Variants in CLTC observed in about 807,000 individuals in gnomAD.
CLTC encodes the protein clathrin heavy chain 1.
Under a neutral mutation model 195.8 loss-of-function variants are expected in CLTC, and 16 were observed. That is an observed-to-expected ratio of 0.08 (90% CI 0.06 to 0.12). The LOEUF is 0.12. Ranked by LOEUF, CLTC falls within the 10% of genes least tolerant of loss-of-function variation. CLTC has a pLI of 1.00. For missense variants in CLTC, 796 were observed against 2,027.0 expected, an observed-to-expected ratio of 0.39 and a Z score of 11.66; for synonymous variants, 667 against 689.4, an observed-to-expected ratio of 0.97 and a Z score of 0.51.
chr17:59,630,059 G>A (rs1321078068), intron 1 of CLTC, among the ~76,000 whole-genome samples: 2 of 152,026 alleles, frequency 1.3e-5, no homozygotes, highest in Non-Finnish European at 2.9e-5. Flanking sequence ...GGAGTACAGT[G>A]GCGAGATCAT....
Position 59,696,144 on chromosome 17 carries a change from C to T in CLTC, c.*2292C>T. 4.6e-6 allele frequency: 1 copy of T among 218,258 alleles called. No homozygotes were observed. Among genetic ancestry groups the T allele is most frequent in the Non-Finnish European group, 9.2e-6 (1 of 108,554 alleles). The allele number at this position is 218,258 out of a possible 1,614,324, so 13.5% of individuals were successfully genotyped here. A position where few individuals can be genotyped will look rare whatever the true frequency, so the allele number is the denominator to read the frequency against. On this transcript the variant is annotated 3_prime_UTR_variant, in exon 32 of 32. Coordinates refer to ENST00000269122, the MANE Select transcript of CLTC (RefSeq NM_004859.4). Reference sequence around the variant, plus strand: ...CTGAGCCAGAATCATGCACTTAGCACTGAGTTCAACTCAGTCTTAACGTTG... The same window carrying T: ...CTGAGCCAGAATCATGCACTTAGCATTGAGTTCAACTCAGTCTTAACGTTG...
In CLTC at chr17:59,619,988, C is replaced by A; in HGVS notation, c.-144C>A. 1.5e-6 allele frequency: 1 copy of A among 681,260 alleles called. No homozygotes were observed. The allele number at this position is 681,260 out of a possible 1,614,324, so 42.2% of individuals were successfully genotyped here. On this transcript the variant is annotated 5_prime_UTR_variant, in exon 1 of 32. Coordinates refer to ENST00000269122, the MANE Select transcript of CLTC (RefSeq NM_004859.4). ...CCCCCGACCCGAGCTCTTTCGTCTG[C>A]CTGCCAGTTTCCTGCGTCCCCGGAG...
intron 13 of CLTC, among the ~76,000 whole-genome samples, chr17:59,667,946 A>G (rs2032767805): frequency 6.6e-6 from 1 of 152,202 alleles, no homozygotes; most frequent in African/African-American, 2.4e-5. Context: ...TAATTTTCCC[A>G]GTTTCAAAAT....
intron 14 of CLTC, among the ~76,000 whole-genome samples, chr17:59,671,370 C>T (rs925807059): frequency 2.0e-5 from 3 of 152,118 alleles, no homozygotes; most frequent in African/African-American, 2.4e-5. Flanking sequence ...TGTTATTAAA[C>T]TTAATTTTAG....
At chr17:59,640,402 C>CTT (rs879240474) in intron 1 of CLTC, among the ~76,000 whole-genome samples, 11 of 142,134 alleles carry the variant, frequency 7.7e-5, no homozygotes, top group African/African-American at 2.6e-4. Context: ...ACTTGAAGTT[C>CTT]TTTTTTTTTT....
chr17:59,683,077 C>G lies in CLTC; in HGVS notation c.3874-18C>G. Reference sequence around the variant, plus strand: ...CCATAGATATTCTTATCTTTAACTGCACATTTCTCTTGTTCAGGATCGTGG... The same window carrying G: ...CCATAGATATTCTTATCTTTAACTGGACATTTCTCTTGTTCAGGATCGTGG... On this transcript the variant is annotated intron_variant, in intron 24 of 31. Coordinates refer to ENST00000269122, the MANE Select transcript of CLTC (RefSeq NM_004859.4). The surrounding 1 kb of genome is among the most constrained non-coding windows in gnomAD (Gnocchi z 6.1). 8 of 1,613,952 alleles carry G rather than the reference C, an allele frequency of 5.0e-6. No individual in the cohort carries two copies. Among genetic ancestry groups the G allele is most frequent in the Non-Finnish European group, 6.8e-6 (8 of 1,179,894 alleles).
chr17:59,629,319 C>A (rs2031642856), intron 1 of CLTC, among the ~76,000 whole-genome samples: 1 of 152,106 alleles, frequency 6.6e-6, no homozygotes, highest in Admixed American at 6.5e-5. Context: ...CTCACAGTTG[C>A]TTCTGTTCTG....
At chr17:59,678,548 A>G (rs2033015093) in intron 17 of CLTC, among the ~76,000 whole-genome samples, 1 of 152,140 alleles carries the variant, frequency 6.6e-6, no homozygotes, top group African/African-American at 2.4e-5. Context: ...CCCAGTTTTG[A>G]CTGGTGAGAA....
chr17:59,694,636 T>TG lies in CLTC; in HGVS notation c.*786dup, dbSNP rs1470556267. 6.2e-5 allele frequency: 14 copies of TG among 226,408 alleles called. No individual in the cohort carries two copies. The highest frequency in any genetic ancestry group is 2.2e-4 in the African/African-American group (10 of 45,072). The allele number at this position is 226,408 out of a possible 1,614,324, so 14.0% of individuals were successfully genotyped here. ...ACCCTTCCCTGAGGTTTGTGTATGT[T>TG]GGATATTGTGGTGTTTTAGATCACT... On this transcript the variant is annotated 3_prime_UTR_variant, in exon 32 of 32. Transcript: ENST00000269122.
chr17:59,651,411 C>G (rs2032323971), intron 5 of CLTC, 95 bp downstream of exon 5: 1 of 834,578 alleles, frequency 1.2e-6, no homozygotes, highest in Non-Finnish European at 2.0e-6. Context: ...TTAAGTGATG[C>G]TTAAAAGAAT....
intron 1 of CLTC, among the ~76,000 whole-genome samples, chr17:59,632,997 A>G (rs1268512291): frequency 3.9e-5 from 6 of 152,202 alleles, no homozygotes; most frequent in Non-Finnish European, 8.8e-5. Context: ...TGGATGCTCA[A>G]TATGTATTAA....
Position 59,683,541 on chromosome 17 carries a change from G to A in CLTC, c.4191+5G>A. Reference sequence around the variant, plus strand: ...TTCAAAGATATCATTACCAAGGTGTGTACTTTCTTCAGAAGATAAAGGATT... The same window carrying A: ...TTCAAAGATATCATTACCAAGGTGTATACTTTCTTCAGAAGATAAAGGATT... On this transcript the variant is annotated splice_donor_5th_base_variant and intron_variant, in intron 26 of 31. Coordinates refer to ENST00000269122, the MANE Select transcript of CLTC (RefSeq NM_004859.4). The surrounding 1 kb of genome is among the most constrained non-coding windows in gnomAD (Gnocchi z 6.1). 3 of 1,613,512 alleles carry A rather than the reference G, an allele frequency of 1.9e-6. No homozygotes were observed. The highest frequency in any genetic ancestry group is 2.5e-6 in the Non-Finnish European group (3 of 1,179,760).
At position 59,666,386 on chromosome 17, in the gene CLTC, C is replaced by T; in HGVS notation, c.1783-94C>T. 1 of 1,484,150 alleles carries T rather than the reference C, an allele frequency of 6.7e-7. No individual in the cohort carries two copies. The highest frequency in any genetic ancestry group is 9.2e-7 in the Non-Finnish European group (1 of 1,087,792). 91.9% of individuals were successfully genotyped at this position (1,484,150 alleles called of 1,614,324 possible). On this transcript the variant is annotated intron_variant, in intron 11 of 31. Transcript: ENST00000269122. The surrounding 1 kb of genome is among the most constrained non-coding windows in gnomAD (Gnocchi z 4.9). ...ATTATAATATTCTTTTGTACTTTAA[C>T]AGTTCACTATTAAACCTTAATCTGT...
intron 2 of CLTC, among the ~76,000 whole-genome samples, chr17:59,645,051 T>C (rs1567941093): frequency 6.6e-6 from 1 of 152,348 alleles, no homozygotes; most frequent in East Asian, 1.9e-4. Context: ...AATAAATGCA[T>C]TTAAATTTTG....
chr17:59,685,096 A>G lies in CLTC; in HGVS notation c.4475A>G (p.Asn1492Ser). 2 of 1,602,556 alleles carry G rather than the reference A, an allele frequency of 1.2e-6. No individual in the cohort carries two copies. The highest frequency in any genetic ancestry group is 1.7e-6 in the Non-Finnish European group (2 of 1,172,046). The change falls in exon 29 of 32, where the codon AAT (asparagine) becomes AGT (serine). Residue 1492 changes from asparagine (N) to serine (S), a missense_variant. Physicochemically the swap from Asn to Ser is conservative, Grantham distance 46. Transcript: ENST00000269122. This position sits in a 1 kb window ranked among gnomAD's most constrained non-coding sequence, Gnocchi z 5.0. Reference protein sequence around the residue: ...TSIDAYDNFDNISLAQRLEKH... With the variant: ...TSIDAYDNFDSISLAQRLEKH... ...ATAGATGCTTATGACAACTTTGACA[A>G]TATCTCGCTTGCTCAGCGTTTGGAA... is the stretch of plus-strand genomic sequence containing the variant.
intron 1 of CLTC, among the ~76,000 whole-genome samples, chr17:59,621,480 G>A (rs890531048): frequency 6.6e-5 from 10 of 152,222 alleles, no homozygotes; most frequent in South Asian, 2.1e-4. Flanking sequence ...CATACATAAA[G>A]GATTCTTGTT....
intron 10 of CLTC, 115 bp downstream of exon 10, chr17:59,665,024 A>G (rs773750721): frequency 1.8e-4 from 249 of 1,365,310 alleles, no homozygotes; most frequent in Non-Finnish European, 2.4e-4. Context: ...CAAGAATTCA[A>G]GACCAGTCTG....
intron 1 of CLTC, among the ~76,000 whole-genome samples, chr17:59,637,793 C>T (rs1294899361): frequency 6.6e-6 from 1 of 151,340 alleles, no homozygotes; most frequent in Non-Finnish European, 1.5e-5. Flanking sequence ...AAAAGAAATT[C>T]ACACCCAGAG....
At chr17:59,650,160 A>G (rs2032293959) in intron 4 of CLTC, among the ~76,000 whole-genome samples, 1 of 152,182 alleles carries the variant, frequency 6.6e-6, no homozygotes, top group Non-Finnish European at 1.5e-5. Flanking sequence ...AGGAAAATAT[A>G]TAGTACTTTT....
Sources: gnomAD v4.1 joint callset for allele counts (sites outside exome capture counted in the v4.1 genomes callset) on GRCh38, gnomAD v4.1.1 for gene constraint, Gnocchi (gnomAD v3.1) non-coding constraint, MANE v1.5 for transcripts, NCBI Gene and HGNC (gene_info 2026-07-23, HGNC 2026-07-21) for gene names.